EXOC4: variants seen among roughly 807,000 people sequenced by gnomAD.
EXOC4 encodes the protein exocyst complex component 4.
A neutral mutation model predicts 107.2 loss-of-function variants in EXOC4; 71 were observed. The ratio of observed to expected loss-of-function variants is 0.66; its 90% confidence interval spans 0.55 to 0.81. The LOEUF is 0.81. EXOC4 is among the 30% of genes least tolerant of loss of function. The pLI is 0.00. For synonymous variants in EXOC4, 456 were observed against 441.2 expected (o/e 1.03, Z -0.42); for missense variants, 1,108 against 1,189.6 (o/e 0.93, Z 1.01).
At chr7:133,261,111 A>C (rs945116442) in intron 1 of EXOC4, among the ~76,000 whole-genome samples, 1 of 152,086 alleles carries the variant, frequency 6.6e-6, no homozygotes, top group East Asian at 1.9e-4. Context: ...GTCTCTGCTT[A>C]CATGTTTTAA....
chr7:133,332,679 T>C (rs1206744352), intron 5 of EXOC4, among the ~76,000 whole-genome samples: 1 of 152,258 alleles, frequency 6.6e-6, no homozygotes, highest in East Asian at 1.9e-4. Context: ...GTGTCTGCAG[T>C]TAAGGCAGTG....
intron 9 of EXOC4, among the ~76,000 whole-genome samples, chr7:133,575,901 G>T (rs960521504): frequency 6.6e-6 from 1 of 152,116 alleles, no homozygotes; most frequent in African/African-American, 2.4e-5. Context: ...AGGACTACAT[G>T]TGGTTGACAG....
intron 12 of EXOC4, among the ~76,000 whole-genome samples, chr7:133,914,868 T>G (rs183263824): frequency 1.3e-5 from 2 of 152,246 alleles, no homozygotes; most frequent in Admixed American, 1.3e-4. Flanking sequence ...ACAGGACACT[T>G]GACATCTACA....
intron 3 of EXOC4, among the ~76,000 whole-genome samples, chr7:133,296,940 C>T (rs948325393): frequency 6.6e-6 from 1 of 152,134 alleles, no homozygotes. Flanking sequence ...TATTGACATT[C>T]TCCAGGTAAT....
downstream of EXOC4, among the ~76,000 whole-genome samples, chr7:134,070,922 C>G (rs1291527555): frequency 1.3e-5 from 2 of 152,164 alleles, no homozygotes; most frequent in African/African-American, 2.4e-5. Context: ...ACAGAAAACC[C>G]AGCAATCTTC....
At chr7:133,549,165 G>T (rs1186367753) in intron 9 of EXOC4, among the ~76,000 whole-genome samples, 1 of 151,788 alleles carries the variant, frequency 6.6e-6, no homozygotes, top group African/African-American at 2.4e-5. Context: ...CACCAGTTTG[G>T]TTTTTTTTAG....
At chr7:133,332,123 G>A (rs118018432) in intron 5 of EXOC4, among the ~76,000 whole-genome samples, 286 of 152,228 alleles carry the variant, frequency 1.9e-3, no homozygotes, top group Middle Eastern at 6.8e-3. Flanking sequence ...CATTTCATTT[G>A]TGGCCTCTTT....
chr7:133,997,406 C>G lies in EXOC4; in HGVS notation c.2207-86C>G, dbSNP rs577171606. The stretch of plus-strand genomic sequence containing the variant: ...CTAGTGTTAACCAAGCTAGTAAAAA[C>G]AAGATGAACAGCAAAATAATATGTC... On this transcript the variant is annotated intron_variant, in intron 14 of 17. Transcript: ENST00000253861. The G allele has an allele frequency of 8.0e-6, 12 of 1,496,966 alleles. 1 individual carries two copies. In the African/African-American group the frequency reaches 1.5e-4, roughly 19 times the overall value. The allele number at this position is 1,496,966 out of a possible 1,614,324, so 92.7% of individuals were successfully genotyped here.
intron 14 of EXOC4, among the ~76,000 whole-genome samples, chr7:133,975,721 CA>C (rs1793816118): frequency 6.9e-6 from 1 of 145,942 alleles, no homozygotes; most frequent in African/African-American, 2.6e-5. Flanking sequence ...CATTCAATGA[CA>C]AGGTATATTC....
At chr7:133,327,849 A>C (rs2150598784) in intron 5 of EXOC4, among the ~76,000 whole-genome samples, 1 of 152,226 alleles carries the variant, frequency 6.6e-6, no homozygotes, top group African/African-American at 2.4e-5. Flanking sequence ...AGGAGTGTTT[A>C]CTTCCAATTG....
chr7:134,097,286 C>G, the EXOC4 span, among the ~76,000 whole-genome samples: 1 of 151,894 alleles, frequency 6.6e-6, no homozygotes, highest in Non-Finnish European at 1.5e-5. Flanking sequence ...CTGTCTCTCC[C>G]AGCTCTTGGT....
intron 7 of EXOC4, among the ~76,000 whole-genome samples, chr7:133,473,789 C>T (rs765095416): frequency 2.6e-5 from 4 of 151,944 alleles, no homozygotes; most frequent in Non-Finnish European, 5.9e-5. Flanking sequence ...CAAGCTCCGC[C>T]TCCTGGGTTC....
chr7:133,903,249 C>T (rs1228432808), intron 12 of EXOC4, among the ~76,000 whole-genome samples: 3 of 152,240 alleles, frequency 2.0e-5, no homozygotes, highest in East Asian at 1.9e-4. Flanking sequence ...AATGAGAAGC[C>T]ATTACAAGGA....
intron 1 of EXOC4, among the ~76,000 whole-genome samples, chr7:133,257,928 G>C (rs923608218): frequency 2.0e-5 from 3 of 152,156 alleles, no homozygotes; most frequent in Non-Finnish European, 1.5e-5. Flanking sequence ...GGCTTTGAAC[G>C]AACAGCTTTG....
downstream of EXOC4, among the ~76,000 whole-genome samples, chr7:134,067,523 T>G (rs904938529): frequency 2.1e-4 from 32 of 152,094 alleles, no homozygotes; most frequent in African/African-American, 7.7e-4. Context: ...CTCTCTTCCA[T>G]ACCCAAGGGC....
chr7:133,427,339 G>C (rs187373223), intron 7 of EXOC4, among the ~76,000 whole-genome samples: 1 of 152,246 alleles, frequency 6.6e-6, no homozygotes, highest in African/African-American at 2.4e-5. Context: ...GTATGCTAAG[G>C]CTCAGGCATT....
At chr7:133,667,412 A>G (rs575792531) in intron 10 of EXOC4, among the ~76,000 whole-genome samples, 7 of 152,340 alleles carry the variant, frequency 4.6e-5, no homozygotes, top group African/African-American at 1.7e-4. Flanking sequence ...GTTTTATTTT[A>G]TAGTAAGTAT....
intron 13 of EXOC4, among the ~76,000 whole-genome samples, chr7:133,928,922 C>CTTTT (rs71162044): frequency 1.1e-4 from 9 of 82,016 alleles, no homozygotes; most frequent in East Asian, 3.7e-4. Context: ...ACAGTAGTAC[C>CTTTT]TTTTTTTTTT....
At chr7:133,575,508 A>C (rs1038739345) in intron 9 of EXOC4, among the ~76,000 whole-genome samples, 4 of 152,186 alleles carry the variant, frequency 2.6e-5, no homozygotes, top group Non-Finnish European at 2.9e-5. Context: ...ATTGAATTGA[A>C]ATAGTTTGTT....
Sources: allele counts gnomAD v4.1 joint callset (sites outside exome capture counted in the v4.1 genomes callset), GRCh38; gene constraint gnomAD v4.1.1; transcripts MANE v1.5; gene names NCBI Gene and HGNC (gene_info 2026-07-23, HGNC 2026-07-21).